Variants in KDM1B observed in about 807,000 individuals in gnomAD.
KDM1B encodes the protein lysine demethylase 1B, also known as lysine-specific histone demethylase 2.
Under a neutral mutation model 107.4 loss-of-function variants are expected in KDM1B, and 63 were observed. The observed-to-expected ratio is 0.59, with a 90% CI of 0.48 to 0.72. The LOEUF is 0.72. Among genes scored for constraint, KDM1B ranks in the 30% least tolerant of loss-of-function variants. The probability of loss-of-function intolerance (pLI) is 0.00; values close to 1 mark genes in which losing one functional copy is unlikely to be tolerated. For missense variants in KDM1B, 749 were observed against 1,020.8 expected (o/e 0.73, Z 3.63); for synonymous variants, 363 against 363.9 (o/e 1.00, Z 0.03).
Position 18,181,605 on chromosome 6 carries a change from GCCTGGTGACGCGCT to G in KDM1B, c.535-4162_535-4149del, listed in dbSNP as rs541867800. Among the ~76,000 whole-genome samples the G allele has an allele frequency of 2.8e-4, 42 of 152,114 alleles. No homozygotes were observed. The South Asian group carries it at 8.3e-3, about 30-fold the overall frequency. On this transcript the variant is annotated intron_variant, in intron 7 of 21. Transcript: ENST00000650836. ...TACAAAGAATACAAAAATTACCTGG[GCCTGGTGACGCGCT>G]CCTGTAGTCCCGGCTACTTGGGAGA...
At position 18,212,818 on chromosome 6, in the gene KDM1B, GAGAA is replaced by G. The variant is rs1357150188; in HGVS notation, c.1983+219_1983+222del. ...TGAGGTCTGTGAGTTTTGACTTTAG[GAGAA>G]AGAATCTTGTTATTCACAATTTGAA... On this transcript the variant is annotated intron_variant, in intron 18 of 21. Coordinates refer to ENST00000650836, the MANE Select transcript of KDM1B (RefSeq NM_001364614.2). This position sits in a 1 kb window ranked among gnomAD's most constrained non-coding sequence, Gnocchi z 5.2. 1.3e-5 allele frequency among the ~76,000 whole-genome samples: 2 copies of G among 152,164 alleles called. No individual in the cohort carries two copies. Among genetic ancestry groups the G allele is most frequent in the Admixed American group, 1.3e-4 (2 of 15,282 alleles).
intron 5 of KDM1B, among the ~76,000 whole-genome samples, 159 bp downstream of exon 5, chr6:18,163,083 G>A (rs1027165650): frequency 2.0e-5 from 3 of 151,626 alleles, no homozygotes; most frequent in Admixed American, 6.6e-5. Context: ...GAACTTTGAT[G>A]TTGTAGTTTG....
At chr6:18,183,042 A>G (rs962303891) in intron 7 of KDM1B, among the ~76,000 whole-genome samples, 2 of 152,278 alleles carry the variant, frequency 1.3e-5, no homozygotes, top group South Asian at 2.1e-4. Flanking sequence ...GGTAGATGCT[A>G]TTGTTTTAAT....
intron 7 of KDM1B, among the ~76,000 whole-genome samples, 171 bp from the exon 8 acceptor site, chr6:18,185,601 C>T (rs929064800): frequency 4.6e-5 from 7 of 152,184 alleles, no homozygotes; most frequent in African/African-American, 7.2e-5. Flanking sequence ...GGATTATAGG[C>T]GTGAGCCACA....
Position 18,200,450 on chromosome 6 carries a change from G to GTCT in KDM1B, c.1233_1234insTCT (p.Leu411_Glu412insSer). 1 of 1,613,750 alleles carries GTCT rather than the reference G, an allele frequency of 6.2e-7. No homozygotes were observed. On this transcript the variant is annotated inframe_insertion, in exon 13 of 22. Transcript: ENST00000650836. This position sits in a 1 kb window ranked among gnomAD's most constrained non-coding sequence, Gnocchi z 4.3. ...GTCTGTCTTTTTAGGTGACTGTCCTGGAAGCCAAAGACAGAATTGGAGGCC... is the reference window on the plus strand; with the variant it reads ...GTCTGTCTTTTTAGGTGACTGTCCTGTCTGAAGCCAAAGACAGAATTGGAGGCC...
chr6:18,204,399 C>A lies in KDM1B; in HGVS notation c.1532-1138C>A, dbSNP rs1413944877. Among the ~76,000 whole-genome samples, 4 of 151,936 alleles carry A rather than the reference C, an allele frequency of 2.6e-5. No homozygotes were observed. The highest frequency in any genetic ancestry group is 9.7e-5 in the African/African-American group (4 of 41,358). The stretch of plus-strand genomic sequence containing the variant: ...CTTGGGAGGCCGATTGCTGGAGCCC[C>A]GGAAGTTGAGGCTGCAGTGAGTCGG... On this transcript the variant is annotated intron_variant, in intron 14 of 21. Coordinates refer to ENST00000650836, the MANE Select transcript of KDM1B (RefSeq NM_001364614.2). This position sits in a 1 kb window ranked among gnomAD's most constrained non-coding sequence, Gnocchi z 4.9.
chr6:18,220,199 T>C (rs1366625784), intron 21 of KDM1B, among the ~76,000 whole-genome samples: 1 of 152,226 alleles, frequency 6.6e-6, no homozygotes, highest in Admixed American at 6.5e-5. Flanking sequence ...TCGTTTAATA[T>C]GGTTTAGAAG....
chr6:18,171,709 G>T (rs1331484237), intron 7 of KDM1B, among the ~76,000 whole-genome samples: 1 of 152,148 alleles, frequency 6.6e-6, no homozygotes, highest in Admixed American at 6.6e-5. Flanking sequence ...GTCCAGGGTT[G>T]GTTTTGTTGC....
chr6:18,199,008 GAAAAAAAAAAA>G (rs70974711), intron 12 of KDM1B, among the ~76,000 whole-genome samples: 5 of 74,694 alleles, frequency 6.7e-5, no homozygotes, highest in South Asian at 9.5e-4. Flanking sequence ...GTCTCTACCA[GAAAAAAAAAAA>G]AAAAAAAAAA....
At position 18,197,196 on chromosome 6, in the gene KDM1B, G is replaced by A. The variant is rs993674496; in HGVS notation, c.1109G>A (p.Gly370Glu). The change falls in exon 11 of 22, where the codon GGA (glycine) becomes GAA (glutamate). Residue 370 changes from glycine (G) to glutamate (E), a missense_variant. Gly to Glu is a moderately conservative substitution (Grantham distance 98). Coordinates refer to ENST00000650836, the MANE Select transcript of KDM1B (RefSeq NM_001364614.2). The surrounding 1 kb of genome is among the most constrained non-coding windows in gnomAD (Gnocchi z 4.5). ...GLINTGVLSV[G>E]ADQYLLPKDY... ...ATCAACACTGGAGTTCTCAGCGTGGGAGCCGACCAGTATCTTCTCCCTAAG... is the reference window on the plus strand; with the variant it reads ...ATCAACACTGGAGTTCTCAGCGTGGAAGCCGACCAGTATCTTCTCCCTAAG... 3.7e-6 allele frequency: 6 copies of A among 1,613,972 alleles called. No individual in the cohort carries two copies. The highest frequency in any genetic ancestry group is 4.2e-6 in the Non-Finnish European group (5 of 1,180,004).
At chr6:18,184,546 A>T (rs183883505) in intron 7 of KDM1B, among the ~76,000 whole-genome samples, 108 of 151,886 alleles carry the variant, frequency 7.1e-4, no homozygotes, top group Middle Eastern at 3.4e-3. Flanking sequence ...AAGTGCTGGG[A>T]TTACAGGTGT....
chr6:18,182,613 A>C (rs1440326284), intron 7 of KDM1B, among the ~76,000 whole-genome samples: 1 of 151,840 alleles, frequency 6.6e-6, no homozygotes, highest in Non-Finnish European at 1.5e-5. Flanking sequence ...CTCTTAGCCC[A>C]GTGCAGCCTC....
rs1458439276 is a variant in KDM1B, at chr6:18,211,481, T to G, written c.1867-1007T>G. On this transcript the variant is annotated intron_variant, in intron 17 of 21. Transcript: ENST00000650836. The surrounding 1 kb of genome is among the most constrained non-coding windows in gnomAD (Gnocchi z 5.2). The stretch of plus-strand genomic sequence containing the variant: ...TTCGCTTCCCTTCTGCTGCCTCTGT[T>G]GAGAGCACACAATGCTGGAGGTGTT... The G allele has an allele frequency of 6.6e-6, 1 of 152,254 alleles. No individual in the cohort carries two copies. Among genetic ancestry groups the G allele is most frequent in the African/African-American group, 2.4e-5 (1 of 41,450 alleles). 9.4% of individuals were successfully genotyped at this position (152,254 alleles called of 1,614,324 possible). A position where few individuals can be genotyped will look rare whatever the true frequency, so the allele number is the denominator to read the frequency against.
intron 7 of KDM1B, 98 bp from the exon 8 acceptor site, chr6:18,185,674 C>A: frequency 1.8e-6 from 2 of 1,081,334 alleles, no homozygotes; most frequent in Admixed American, 1.7e-5. Flanking sequence ...TCTTTGCCAG[C>A]CTGATAGGTG....
intron 12 of KDM1B, among the ~76,000 whole-genome samples, chr6:18,198,525 G>A (rs950901869): frequency 6.6e-6 from 1 of 150,952 alleles, no homozygotes; most frequent in Admixed American, 6.6e-5. Context: ...CACTGTGCCC[G>A]GCCTCCAGTT....
intron 8 of KDM1B, among the ~76,000 whole-genome samples, chr6:18,187,387 G>T (rs1050098697): frequency 3.3e-5 from 5 of 152,078 alleles, no homozygotes; most frequent in African/African-American, 1.2e-4. Context: ...TAACTATCTT[G>T]AGGTCCTAAG....
chr6:18,198,866 TA>T (rs1284777700), intron 12 of KDM1B, among the ~76,000 whole-genome samples: 2,490 of 144,122 alleles, frequency 0.017, 40 homozygotes, highest in Non-Finnish European at 0.025. Flanking sequence ...CCTCTTATAC[TA>T]AAAAAAAAAC....
chr6:18,188,309 T>A (rs9465109), intron 9 of KDM1B, among the ~76,000 whole-genome samples: 1,786 of 152,332 alleles, frequency 0.012, 29 homozygotes, highest in African/African-American at 0.041. Flanking sequence ...ATGGTTGTAC[T>A]GTGGATCAGT....
chr6:18,168,667 C>T (rs1785472336), intron 6 of KDM1B, among the ~76,000 whole-genome samples: 2 of 135,000 alleles, frequency 1.5e-5, no homozygotes, highest in African/African-American at 2.6e-5. Context: ...TATATGGGAC[C>T]TCAAACTCTT....
Sources: gnomAD v4.1 joint callset for allele counts (sites outside exome capture counted in the v4.1 genomes callset) on GRCh38, gnomAD v4.1.1 for gene constraint, Gnocchi (gnomAD v3.1) non-coding constraint, MANE v1.5 for transcripts, NCBI Gene and HGNC (gene_info 2026-07-23, HGNC 2026-07-21) for gene names.